CPVL: variants seen among roughly 807,000 people sequenced by gnomAD.
CPVL encodes probable serine carboxypeptidase CPVL.
CPVL carries 51 observed loss-of-function variants against 63.7 expected under a neutral mutation model. That is an observed-to-expected ratio of 0.80 (90% CI 0.64 to 1.01). The LOEUF is 1.01. Among genes scored for constraint, CPVL ranks in the 50% least tolerant of loss-of-function variants. The pLI is 0.00. For synonymous variants in CPVL, 195 were observed against 206.0 expected, an observed-to-expected ratio of 0.95 and a Z score of 0.46; for missense variants, 530 against 573.1, an observed-to-expected ratio of 0.92 and a Z score of 0.77.
At chr7:28,998,765 C>A (rs959284893) in intron 12 of CPVL, among the ~76,000 whole-genome samples, 7 of 152,278 alleles carry the variant, frequency 4.6e-5, no homozygotes, top group Admixed American at 4.6e-4. Context: ...TGAGCCACTG[C>A]ACTCCAGCCT....
chr7:29,195,148 A>G, exon 1 of CPVL: 1 of 674,824 alleles, frequency 1.5e-6, no homozygotes. Flanking sequence ...GTTCGCCAGC[A>G]CCTCGGTGCC....
intron 1 of CPVL, chr7:29,127,930 C>T (rs968244459): frequency 6.6e-6 from 1 of 152,036 alleles, no homozygotes; most frequent in Non-Finnish European, 1.5e-5. Context: ...CTGAAGGTTT[C>T]TGTGTCACTG....
At chr7:29,193,056 T>C (rs1452844312) in intron 1 of CPVL, 1 of 152,174 alleles carries the variant, frequency 6.6e-6, no homozygotes, top group African/African-American at 2.4e-5. Flanking sequence ...AAATGAAGGA[T>C]AGTGGTAGGG....
chr7:29,046,520 CACAA>C (rs1160017804), intron 11 of CPVL, among the ~76,000 whole-genome samples: 9 of 151,984 alleles, frequency 5.9e-5, no homozygotes, highest in Admixed American at 3.3e-4. Flanking sequence ...CACTTAGAAA[CACAA>C]ACAACCTCAA....
intron 2 of CPVL, among the ~76,000 whole-genome samples, chr7:29,119,344 G>A (rs1224709124): frequency 2.6e-5 from 4 of 152,066 alleles, no homozygotes; most frequent in African/African-American, 4.8e-5. Flanking sequence ...AAAATTAGCC[G>A]GGCGTGGTAG....
At chr7:28,996,708 T>C (rs566504061) in intron 12 of CPVL, among the ~76,000 whole-genome samples, 2 of 152,324 alleles carry the variant, frequency 1.3e-5, no homozygotes, top group African/African-American at 2.4e-5. Flanking sequence ...AGTGACGATT[T>C]TGAGTCATGA....
At chr7:29,126,617 CAA>C (rs933059203) in intron 1 of CPVL, 4 of 152,196 alleles carry the variant, frequency 2.6e-5, no homozygotes, top group Admixed American at 6.5e-5. Flanking sequence ...GACAAACAAA[CAA>C]AGAGCAGGTA....
rs575470640 is a variant in CPVL at position 29,031,064 on chromosome 7, G to A, written c.1138-305C>T. 7.2e-5 allele frequency among the ~76,000 whole-genome samples: 11 copies of A among 152,314 alleles called. No individual in the cohort carries two copies. The South Asian group carries it at 2.3e-3, about 32-fold the overall frequency. Reference sequence around the variant, plus strand: ...TATGGCTATGTTAAGAAGGAAGACTGTGGTTACATTTTAGTGGAACTAAGG... The same window carrying A: ...TATGGCTATGTTAAGAAGGAAGACTATGGTTACATTTTAGTGGAACTAAGG... On this transcript the variant is annotated intron_variant, in intron 11 of 12. Transcript: ENST00000265394.
At chr7:29,166,342 T>A (rs1393993562) in intron 5 of CPVL, among the ~76,000 whole-genome samples, 2 of 152,134 alleles carry the variant, frequency 1.3e-5, no homozygotes, top group East Asian at 3.9e-4. Flanking sequence ...GATAGCAAAG[T>A]GTTTTATCCT....
chr7:29,115,900 T>G (rs1788733514), intron 2 of CPVL, among the ~76,000 whole-genome samples: 1 of 152,142 alleles, frequency 6.6e-6, no homozygotes, highest in African/African-American at 2.4e-5. Flanking sequence ...CTCAAATGAT[T>G]CAGATGTTCA....
intron 7 of CPVL, among the ~76,000 whole-genome samples, chr7:29,078,680 T>C (rs1262374186): frequency 6.6e-6 from 1 of 152,208 alleles, no homozygotes; most frequent in East Asian, 1.9e-4. Context: ...TGGTAATTCA[T>C]TTCCAACAAA....
chr7:29,084,014 C>T (rs1254752855), intron 7 of CPVL, among the ~76,000 whole-genome samples: 1 of 151,854 alleles, frequency 6.6e-6, no homozygotes, highest in Non-Finnish European at 1.5e-5. Flanking sequence ...ATTATTCGAC[C>T]TTCAGATTTA....
chr7:29,104,660 C>T (rs931824139), intron 3 of CPVL, among the ~76,000 whole-genome samples: 1 of 152,108 alleles, frequency 6.6e-6, no homozygotes, highest in African/African-American at 2.4e-5. Flanking sequence ...CAGCTTACAC[C>T]CCATTAGAAT....
intron 4 of CPVL, among the ~76,000 whole-genome samples, chr7:29,183,698 T>C (rs1328655151): frequency 1.3e-5 from 2 of 152,126 alleles, no homozygotes; most frequent in Non-Finnish European, 2.9e-5. Context: ...AAGTGCTGAA[T>C]TGGTGGCATT....
intron 1 of CPVL, among the ~76,000 whole-genome samples, chr7:29,123,719 TC>T (rs58339273): frequency 0.82 from 108,950 of 132,608 alleles, 44,940 homozygotes; most frequent in East Asian, 0.99. Flanking sequence ...TTTTTTTTTT[TC>T]CCCTGGGGAC....
chr7:29,144,881 C>G (rs1792302224), intron 1 of CPVL, among the ~76,000 whole-genome samples: 1 of 152,152 alleles, frequency 6.6e-6, no homozygotes, highest in South Asian at 2.1e-4. Context: ...ACCTATTTCT[C>G]AGGCTAGTAG....
chr7:29,071,993 T>TA, intron 8 of CPVL, 89 bp from the exon 9 acceptor site: 1 of 1,525,406 alleles, frequency 6.6e-7, no homozygotes, highest in East Asian at 2.3e-5. Context: ...TAATCCTTTG[T>TA]AATTGTTAAT....
At chr7:29,137,692 A>T (rs1791393898) in intron 1 of CPVL, among the ~76,000 whole-genome samples, 1 of 152,232 alleles carries the variant, frequency 6.6e-6, no homozygotes, top group African/African-American at 2.4e-5. Flanking sequence ...TTTCATTAAA[A>T]GGAAAACCTT....
At chr7:28,999,547 C>T (rs915271435) in intron 12 of CPVL, among the ~76,000 whole-genome samples, 3 of 152,112 alleles carry the variant, frequency 2.0e-5, no homozygotes, top group Admixed American at 6.5e-5. Flanking sequence ...CCTGGGTATC[C>T]GCTCTCCTGG....
Sources: allele counts gnomAD v4.1 joint callset (sites outside exome capture counted in the v4.1 genomes callset), GRCh38; gene constraint gnomAD v4.1.1; transcripts MANE v1.5; gene names NCBI Gene and HGNC (gene_info 2026-07-23, HGNC 2026-07-21).